The following FAM186A variants were observed in gnomAD, a reference collection of about 807,000 sequenced individuals.
The protein encoded by FAM186A is family with sequence similarity 186 member A, also known as protein FAM186A.
A neutral mutation model predicts 216.8 loss-of-function variants in FAM186A; 163 were observed. The ratio of observed to expected loss-of-function variants is 0.75; its 90% CI spans 0.66 to 0.86. The LOEUF (loss-of-function observed/expected upper bound fraction) is 0.86. Ranked by LOEUF, FAM186A falls within the 40% of genes least tolerant of loss-of-function variation. FAM186A has a pLI of 0.00. For missense variants in FAM186A, 2,184 were observed against 2,746.2 expected, an observed-to-expected ratio of 0.80 and a Z score of 4.58; for synonymous variants, 805 against 1,025.3, an observed-to-expected ratio of 0.79 and a Z score of 4.10.
At position 50,351,833 on chromosome 12, in the gene FAM186A, G is replaced by T; in HGVS notation, c.4999C>A (p.Gln1667Lys). ...WVSAVTLTSE[Q>K]THALESPMNL... ...ATAGGGGACTCCAAAGCGTGGGTTT[G>T]CTCAGAGGTAAGAGTGACAGCTGAC... The change falls in exon 4 of 8, where the codon CAA (glutamine) becomes AAA (lysine). Residue 1667 changes from glutamine to lysine, a missense_variant. By Grantham distance (53) the Gln-to-Lys change is moderately conservative (BLOSUM62 1). This residue lies in a region of FAM186A where 721 missense variants were observed against 816.4 expected (regional missense o/e 0.88). Coordinates refer to ENST00000327337, the MANE Select transcript of FAM186A (RefSeq NM_001145475.3). The T allele has an allele frequency of 6.5e-7, 1 of 1,545,184 alleles. No individual in the cohort carries two copies. The highest frequency in any genetic ancestry group is 8.7e-7 in the Non-Finnish European group (1 of 1,143,640).
intron 7 of FAM186A, among the ~76,000 whole-genome samples, chr12:50,329,912 G>T (rs929901128): frequency 6.6e-6 from 1 of 152,232 alleles, no homozygotes; most frequent in Non-Finnish European, 1.5e-5. Context: ...TACTTCTTAC[G>T]TGAGGACTTA....
At chr12:50,335,134 G>C (rs1459947293) in intron 4 of FAM186A, among the ~76,000 whole-genome samples, 2 of 152,024 alleles carry the variant, frequency 1.3e-5, no homozygotes, top group Non-Finnish European at 2.9e-5. Context: ...GCACATACCT[G>C]TAGACACAGC....
intron 1 of FAM186A, among the ~76,000 whole-genome samples, chr12:50,365,211 G>A (rs1943076690): frequency 6.6e-6 from 1 of 152,066 alleles, no homozygotes; most frequent in African/African-American, 2.4e-5. Context: ...ATGCACTAGT[G>A]ATAATAGTAT....
At chr12:50,365,997 A>G (rs927169629) in intron 1 of FAM186A, 2 of 766,640 alleles carry the variant, frequency 2.6e-6, no homozygotes, top group Non-Finnish European at 4.8e-6. Context: ...CAAAGACCGC[A>G]AAAAGATCCT....
chr12:50,383,908 AG>A (rs1943278219), intron 1 of FAM186A, among the ~76,000 whole-genome samples: 1 of 152,144 alleles, frequency 6.6e-6, no homozygotes. Flanking sequence ...TCACGAAGCC[AG>A]GAAATCGAGA....
At chr12:50,375,305 TG>T (rs1943186280) in intron 1 of FAM186A, among the ~76,000 whole-genome samples, 1 of 152,154 alleles carries the variant, frequency 6.6e-6, no homozygotes, top group African/African-American at 2.4e-5. Context: ...CCCAGCAATT[TG>T]GGAGGCCAAG....
At position 50,396,326 on chromosome 12, in the gene FAM186A, C is replaced by G; in HGVS notation, c.159G>C (p.Arg53Ser). 1 of 1,551,410 alleles carries G rather than the reference C, an allele frequency of 6.4e-7. No individual in the cohort carries two copies. Among genetic ancestry groups the G allele is most frequent in the Admixed American group, 2.0e-5 (1 of 50,930 alleles). ...IPFSVKDIIS[R>S]IERAQLHRAR... The stretch of plus-strand genomic sequence containing the variant: ...CTCGATGGAGCTGTGCGCGCTCAAT[C>G]CTAGAGATGATATCCTTTACTGAGA... Residue 53 changes from arginine (R) to serine (S), a missense_variant, in exon 1 of 8, where the codon AGG (arginine) becomes AGC (serine). By Grantham distance (110) the Arg-to-Ser change is moderately radical (BLOSUM62 -1). Around this residue, in one of 7 missense-constraint regions of FAM186A, gnomAD observed 1,132 missense variants for 1,263.4 expected, o/e 0.90. Transcript: ENST00000327337.
At position 50,351,399 on chromosome 12, in the gene FAM186A, C is replaced by A. The variant is rs1260706086; in HGVS notation, c.5433G>T (p.Ala1811=). The change falls in exon 4 of 8, where the codon GCG becomes GCT. Residue 1811 remains alanine, a synonymous_variant. Transcript: ENST00000327337. Reference sequence around the variant, plus strand: ...GAGGGGCCTGTGGTGCCGGGAACTGCGCAGAAGTGGATTGACCTCCGTATA... The same window carrying A: ...GAGGGGCCTGTGGTGCCGGGAACTGAGCAGAAGTGGATTGACCTCCGTATA... ...TLVYGGQSTS[A]QFPAPQAPPS... is the part of the protein sequence containing the mutation. 3.7e-5 allele frequency: 54 copies of A among 1,468,518 alleles called. No individual in the cohort carries two copies. The highest frequency in any genetic ancestry group is 4.4e-5 in the Non-Finnish European group (49 of 1,111,244). The allele number at this position is 1,468,518 out of a possible 1,614,324, so 91.0% of individuals were successfully genotyped here. A position where few individuals can be genotyped will look rare whatever the true frequency, so the allele number is the denominator to read the frequency against.
chr12:50,362,570 C>T (rs11169394), intron 2 of FAM186A, among the ~76,000 whole-genome samples: 96,435 of 151,098 alleles, frequency 0.64, 31,353 homozygotes, highest in East Asian at 0.74. Context: ...ATGGTGAAAC[C>T]TTGTCTCTAC....
Position 50,360,924 on chromosome 12 carries a change from C to T in FAM186A, c.415G>A (p.Asp139Asn). The T allele has an allele frequency of 6.5e-7, 1 of 1,530,656 alleles. No homozygotes were observed. The highest frequency in any genetic ancestry group is 1.4e-5 in the African/African-American group (1 of 71,734). The allele number at this position is 1,530,656 out of a possible 1,614,324, so 94.8% of individuals were successfully genotyped here. A position where few individuals can be genotyped will look rare whatever the true frequency, so the allele number is the denominator to read the frequency against. Residue 139 changes from aspartate (D) to asparagine (N), a missense_variant and splice_region_variant, in exon 3 of 8, where the codon GAT becomes AAT. This residue lies in a region of FAM186A where 1,132 missense variants were observed against 1,263.4 expected (regional missense o/e 0.90). Transcript: ENST00000327337. ...NILAWLEEWN[D>N]VLSEMTLMDV... The stretch of plus-strand genomic sequence containing the variant: ...ATTAGAGTCATCTCAGACAAAACAT[C>T]ATCTTGAAGAGAGTAAAAAAAAAAT...
At chr12:50,334,162 T>C (rs1592596813) in intron 4 of FAM186A, 59 bp from the exon 5 acceptor site, 2 of 1,349,164 alleles carry the variant, frequency 1.5e-6, no homozygotes, top group East Asian at 5.3e-5. Context: ...TTCAACAAAC[T>C]TGTCCTCAGT....
At position 50,350,438 on chromosome 12, in the gene FAM186A, G is replaced by A; in HGVS notation, c.6394C>T (p.Leu2132=). 1 of 1,551,558 alleles carries A rather than the reference G, an allele frequency of 6.4e-7. No individual in the cohort carries two copies. Among genetic ancestry groups the A allele is most frequent in the Non-Finnish European group, 8.7e-7 (1 of 1,146,974 alleles). Residue 2132 remains leucine, a synonymous_variant, in exon 4 of 8, where the codon CTA becomes TTA. Coordinates refer to ENST00000327337, the MANE Select transcript of FAM186A (RefSeq NM_001145475.3). ...ATGAGAGTCCTAGCCATTGTGTGTA[G>A]CTGTGAAGGGAGTCCACAAGTTTTT... is the stretch of plus-strand genomic sequence containing the variant. ...AIKTCGLPSQ[L]HTMARTLIIE...
intron 1 of FAM186A, among the ~76,000 whole-genome samples, chr12:50,384,948 G>C (rs1943287974): frequency 6.6e-6 from 1 of 151,882 alleles, no homozygotes; most frequent in South Asian, 2.1e-4. Flanking sequence ...TGGGATTTCA[G>C]GTGCCTGCCT....
chr12:50,351,312 A>G lies in FAM186A; in HGVS notation c.5520T>C (p.Ala1840=). ...APPTPGQPFI[A]GVPPTSGQIP... ...TCTGTCCAGAAGTGGGTGGAACTCC[A>G]GCTATAAAGGGCTGCCCTGGAGTGG... Residue 1840 remains alanine, a synonymous_variant, in exon 4 of 8, where the codon GCT becomes GCC. Coordinates refer to ENST00000327337, the MANE Select transcript of FAM186A (RefSeq NM_001145475.3). 1 of 1,527,130 alleles carries G rather than the reference A, an allele frequency of 6.5e-7. No homozygotes were observed. Among genetic ancestry groups the G allele is most frequent in the African/African-American group, 1.4e-5 (1 of 71,870 alleles). 94.6% of individuals were successfully genotyped at this position (1,527,130 alleles called of 1,614,324 possible). A position where few individuals can be genotyped will look rare whatever the true frequency, so the allele number is the denominator to read the frequency against.
chr12:50,393,202 G>A (rs1156899978), intron 1 of FAM186A, among the ~76,000 whole-genome samples: 1 of 151,830 alleles, frequency 6.6e-6, no homozygotes, highest in Non-Finnish European at 1.5e-5. Flanking sequence ...GGGATTACAG[G>A]TATGAGCCAC....
At position 50,353,278 on chromosome 12, in the gene FAM186A, G is replaced by C. The variant is rs568134602; in HGVS notation, c.3554C>G (p.Pro1185Arg). Residue 1185 changes from proline (P) to arginine (R), a missense_variant, in exon 4 of 8, where the codon CCT becomes CGT. Pro to Arg is a moderately radical substitution (Grantham distance 103). Around this residue, in one of 7 missense-constraint regions of FAM186A, gnomAD observed 267 missense variants for 446.2 expected, o/e 0.60. Transcript: ENST00000327337. ...QAQALGIPLT[P>R]QQAQELGIPL... ...GATCCCCAATTCCTGAGCCTGCTGA[G>C]GGGTGAGAGGGATCCCCAGGGCCTG... 6.5e-7 allele frequency: 1 copy of C among 1,544,468 alleles called. No homozygotes were observed. Among genetic ancestry groups the C allele is most frequent in the South Asian group, 1.2e-5 (1 of 83,758 alleles).
intron 4 of FAM186A, among the ~76,000 whole-genome samples, chr12:50,346,237 A>AAAGAAAGAGAAAG (rs1383898895): frequency 2.0e-5 from 2 of 102,184 alleles, no homozygotes; most frequent in African/African-American, 6.8e-5. Flanking sequence ...AAGAAAGAAA[A>AAAGAAAGAGAAAG]AAAGAAAGAA....
chr12:50,337,932 A>T (rs1942726840), intron 4 of FAM186A, among the ~76,000 whole-genome samples: 4 of 148,172 alleles, frequency 2.7e-5, no homozygotes, highest in Non-Finnish European at 6.0e-5. Context: ...ACAAAATCTG[A>T]GCATTCAATC....
chr12:50,366,709 T>TAA (rs34350421), intron 1 of FAM186A, among the ~76,000 whole-genome samples: 17,095 of 141,060 alleles, frequency 0.12, 2,099 homozygotes, highest in East Asian at 0.34. Flanking sequence ...CTTTCATTAT[T>TAA]AAAAAAAAAA....
Sources: gnomAD v4.1 joint callset for allele counts (sites outside exome capture counted in the v4.1 genomes callset) on GRCh38, gnomAD v4.1.1 for gene constraint, gnomAD v4.1.1 regional missense constraint, MANE v1.5 for transcripts, NCBI Gene and HGNC (gene_info 2026-07-23, HGNC 2026-07-21) for gene names.